BIN3: variants seen among roughly 807,000 people sequenced by gnomAD.
BIN3 encodes the protein bridging integrator 3.
In BIN3, 41 loss-of-function variants were observed where a neutral mutation model predicts 38.2. The observed-to-expected ratio is 1.07, with a 90% CI of 0.84 to 1.39. The LOEUF is 1.39. Among genes scored for constraint, BIN3 ranks in the 40% most tolerant of loss-of-function variants. The pLI is 0.00. For synonymous variants in BIN3, 145 were observed against 122.6 expected (o/e 1.18, Z -1.21); for missense variants, 361 against 324.3 (o/e 1.11, Z -0.87).
intron 1 of BIN3, among the ~76,000 whole-genome samples, chr8:22,656,712 C>A (rs1585202495): frequency 6.6e-6 from 1 of 152,188 alleles, no homozygotes; most frequent in Non-Finnish European, 1.5e-5. Context: ...AAGAAAATAT[C>A]TTTCTGTTCC....
chr8:22,646,642 C>T (rs1229399328), intron 1 of BIN3, among the ~76,000 whole-genome samples: 1 of 152,166 alleles, frequency 6.6e-6, no homozygotes. Context: ...TTCGCATCTT[C>T]TGTAAACAAA....
intron 4 of BIN3, among the ~76,000 whole-genome samples, chr8:22,632,929 G>T (rs1362572026): frequency 6.6e-6 from 1 of 152,066 alleles, no homozygotes; most frequent in Non-Finnish European, 1.5e-5. Context: ...GGCTGGTCTC[G>T]AACTCCTGAC....
In BIN3 at chr8:22,637,102, T is replaced by C. The variant is rs545648022; in HGVS notation, c.58-140A>G. On this transcript the variant is annotated intron_variant, in intron 2 of 8. Transcript: ENST00000276416. Reference sequence around the variant, plus strand: ...TCCAGTTCACACAAGCACCGACAGATCGCTCCTGACACGGTATTTCTGAGA... The same window carrying C: ...TCCAGTTCACACAAGCACCGACAGACCGCTCCTGACACGGTATTTCTGAGA... 1.9e-5 allele frequency: 14 copies of C among 736,848 alleles called. No homozygotes were observed. The South Asian group carries it at 2.2e-4, about 12-fold the overall frequency. The allele number at this position is 736,848 out of a possible 1,614,324, so 45.6% of individuals were successfully genotyped here.
chr8:22,631,549 A>T (rs1235270644), intron 4 of BIN3, among the ~76,000 whole-genome samples: 1 of 152,154 alleles, frequency 6.6e-6, no homozygotes, highest in Non-Finnish European at 1.5e-5. Flanking sequence ...AGGGTTTGTA[A>T]TGCCTCCAAG....
At chr8:22,662,770 TA>T (rs1803274642) in intron 1 of BIN3, among the ~76,000 whole-genome samples, 3 of 151,730 alleles carry the variant, frequency 2.0e-5, no homozygotes, top group Admixed American at 1.3e-4. Flanking sequence ...GTCATGAAAT[TA>T]AAAAATCATA....
intron 1 of BIN3, among the ~76,000 whole-genome samples, chr8:22,651,049 A>G (rs1384760269): frequency 1.3e-5 from 2 of 152,050 alleles, no homozygotes; most frequent in African/African-American, 4.8e-5. Flanking sequence ...CAAACTCGTA[A>G]GAGTTTCCAA....
At chr8:22,653,666 G>A (rs966136937) in intron 1 of BIN3, among the ~76,000 whole-genome samples, 2 of 152,182 alleles carry the variant, frequency 1.3e-5, no homozygotes, top group Non-Finnish European at 2.9e-5. Flanking sequence ...CCTGACATGA[G>A]GGATAGTATG....
Position 22,636,966 on chromosome 8 carries a change from A to G in BIN3, c.58-4T>C. The G allele has an allele frequency of 6.2e-7, 1 of 1,612,366 alleles. No individual in the cohort carries two copies. Among genetic ancestry groups the G allele is most frequent in the Non-Finnish European group, 8.5e-7 (1 of 1,178,504 alleles). Reference sequence around the variant, plus strand: ...CCCTTTCAAAGTCTCTCTCCACCTGAAACGAGAGAGATAACTCAATTATCG... The same window carrying G: ...CCCTTTCAAAGTCTCTCTCCACCTGGAACGAGAGAGATAACTCAATTATCG... On this transcript the variant is annotated splice_region_variant and splice_polypyrimidine_tract_variant and intron_variant, in intron 2 of 8. Coordinates refer to ENST00000276416, the MANE Select transcript of BIN3 (RefSeq NM_018688.6).
chr8:22,633,355 C>G (rs535130997), intron 4 of BIN3, among the ~76,000 whole-genome samples: 1 of 152,186 alleles, frequency 6.6e-6, no homozygotes, highest in African/African-American at 2.4e-5. Context: ...ACCTGTGGTC[C>G]CTGCCCCAGC....
chr8:22,622,276 A>C (rs921571110), intron 8 of BIN3, among the ~76,000 whole-genome samples: 3 of 152,224 alleles, frequency 2.0e-5, no homozygotes, highest in African/African-American at 7.2e-5. Context: ...CTCATGACCC[A>C]ATGAAAGCAT....
rs747950725 is a variant in BIN3 at position 22,621,524 on chromosome 8, G to A, written c.660C>T (p.Ser220=). ...AGTGGCCTGGCTGGTCAAGCTGATG[G>A]GACAGGTCTCCAAAGATCTTGTGCA... ...SEMHKIFGDL[S]HQLDQPGHSD... is the part of the protein sequence containing the mutation. Residue 220 remains serine, a synonymous_variant, in exon 9 of 9, where the codon TCC becomes TCT. Coordinates refer to ENST00000276416, the MANE Select transcript of BIN3 (RefSeq NM_018688.6). 1.2e-6 allele frequency: 2 copies of A among 1,613,770 alleles called. No individual in the cohort carries two copies. The highest frequency in any genetic ancestry group is 2.7e-5 in the African/African-American group (2 of 74,944).
At chr8:22,664,477 A>C (rs902639805) in intron 1 of BIN3, among the ~76,000 whole-genome samples, 1 of 152,246 alleles carries the variant, frequency 6.6e-6, no homozygotes, top group Non-Finnish European at 1.5e-5. Flanking sequence ...TAGGTGGAAG[A>C]AGCTGAGCCA....
chr8:22,635,679 G>A (rs763437399), intron 4 of BIN3, among the ~76,000 whole-genome samples: 4 of 152,138 alleles, frequency 2.6e-5, no homozygotes, highest in Non-Finnish European at 4.4e-5. Context: ...TGTGCTTCTC[G>A]GGTGACGGAA....
chr8:22,648,158 A>T (rs1312119836), intron 1 of BIN3, among the ~76,000 whole-genome samples: 2 of 147,200 alleles, frequency 1.4e-5, no homozygotes, highest in Non-Finnish European at 3.0e-5. Flanking sequence ...AAAAAAAGGA[A>T]AAGAAAAATT....
chr8:22,667,112 G>T (rs1803447101), intron 1 of BIN3, among the ~76,000 whole-genome samples: 1 of 152,196 alleles, frequency 6.6e-6, no homozygotes, highest in African/African-American at 2.4e-5. Flanking sequence ...AGGGGGAAGA[G>T]AAAGGAATCT....
At chr8:22,644,032 C>G (rs915968977) in intron 2 of BIN3, among the ~76,000 whole-genome samples, 1 of 152,214 alleles carries the variant, frequency 6.6e-6, no homozygotes, top group Non-Finnish European at 1.5e-5. Flanking sequence ...CGCCTGAGTT[C>G]TAACTCCAGC....
chr8:22,644,766 C>A lies in BIN3; in HGVS notation c.46G>T (p.Val16Leu), dbSNP rs756778235. ...ATCGAGTTACTCACTGTTTTGGGCA[C>A]AATCTGTTTCTTGGGCTGCCCAATC... ...FKIGQPKKQI[V>L]PKTVERDFER... The change falls in exon 2 of 9, where the codon GTG (valine) becomes TTG (leucine). Residue 16 changes from valine to leucine, a missense_variant. Transcript: ENST00000276416. The A allele has an allele frequency of 1.2e-6, 2 of 1,611,878 alleles. No individual in the cohort carries two copies. Among genetic ancestry groups the A allele is most frequent in the South Asian group, 1.1e-5 (1 of 90,476 alleles).
At chr8:22,667,731 G>A (rs1803468574) in intron 1 of BIN3, among the ~76,000 whole-genome samples, 1 of 152,132 alleles carries the variant, frequency 6.6e-6, no homozygotes, top group African/African-American at 2.4e-5. Flanking sequence ...TCCTGCCGGG[G>A]CTTATTAGGA....
In BIN3 at chr8:22,620,718, TTCA is replaced by T. The variant is rs1275224491; in HGVS notation, c.*701_*703del. 2 of 152,354 alleles carry T rather than the reference TTCA, an allele frequency of 1.3e-5. No individual in the cohort carries two copies. The highest frequency in any genetic ancestry group is 3.9e-4 in the East Asian group (2 of 5,184). The allele number at this position is 152,354 out of a possible 1,614,324, so 9.4% of individuals were successfully genotyped here. ...TTACAGCACAATACTATGTGGACGT[TTCA>T]TTGAAAATTTTACTTGAAAAAATAA... On this transcript the variant is annotated 3_prime_UTR_variant, in exon 9 of 9. Coordinates refer to ENST00000276416, the MANE Select transcript of BIN3 (RefSeq NM_018688.6).
Sources: allele counts gnomAD v4.1 joint callset (sites outside exome capture counted in the v4.1 genomes callset), GRCh38; gene constraint gnomAD v4.1.1; transcripts MANE v1.5; gene names NCBI Gene and HGNC (gene_info 2026-07-23, HGNC 2026-07-21).